ORC3: variants seen among roughly 807,000 people sequenced by gnomAD.
ORC3 encodes the protein homolog of latheo, Drosophila.
ORC3 carries 78 observed loss-of-function variants against 100.7 expected under a neutral mutation model. That is an observed-to-expected ratio of 0.77 (90% CI 0.65 to 0.94). The LOEUF is 0.94. Among genes scored for constraint, ORC3 ranks in the 40% least tolerant of loss-of-function variants. ORC3 has a pLI of 0.00. For synonymous variants in ORC3, 295 were observed against 289.3 expected (o/e 1.02, Z -0.20); for missense variants, 789 against 823.9 (o/e 0.96, Z 0.52).
At chr6:87,654,111 G>T (rs2128290585) in intron 14 of ORC3, among the ~76,000 whole-genome samples, 1 of 152,176 alleles carries the variant, frequency 6.6e-6, no homozygotes, top group Middle Eastern at 3.4e-3. Flanking sequence ...ACATAGAATT[G>T]GACATGACAT....
intron 2 of ORC3, among the ~76,000 whole-genome samples, chr6:87,595,798 T>C (rs2128243777): frequency 6.6e-6 from 1 of 152,262 alleles, no homozygotes; most frequent in South Asian, 2.1e-4. Context: ...CATATACCCA[T>C]GTGTGTAAGA....
the ORC3 span, among the ~76,000 whole-genome samples, chr6:87,674,303 A>C: frequency 8.2e-5 from 2 of 24,424 alleles, no homozygotes; most frequent in Non-Finnish European, 6.9e-5. Context: ...ACTCTATCTC[A>C]AAAAAAAAAA....
chr6:87,670,380 G>C (rs555697079), downstream of ORC3, among the ~76,000 whole-genome samples: 1 of 152,164 alleles, frequency 6.6e-6, no homozygotes, highest in East Asian at 1.9e-4. Flanking sequence ...TGGCCAGGCT[G>C]GTCTTGAACT....
chr6:87,653,383 C>CTCATAGTA, intron 14 of ORC3, 134 bp downstream of exon 14: 1 of 679,796 alleles, frequency 1.5e-6, no homozygotes, highest in Non-Finnish European at 2.3e-6. Context: ...TATGCCAAGC[C>CTCATAGTA]TCATAGTATC....
chr6:87,663,133 T>A lies in ORC3; in HGVS notation c.1822T>A (p.Tyr608Asn). The A allele has an allele frequency of 6.2e-7, 1 of 1,610,710 alleles. No homozygotes were observed. Among genetic ancestry groups the A allele is most frequent in the South Asian group, 1.1e-5 (1 of 90,784 alleles). The change falls in exon 17 of 20, where the codon TAT (tyrosine) becomes AAT (asparagine). Residue 608 changes from tyrosine to asparagine, a missense_variant. Transcript: ENST00000392844. ...ALHTALNNPY[Y>N]YLKNEALKSE... is the part of the protein sequence containing the mutation. ...CCATACTGCACTCAACAATCCTTACTATTATCTCAAGGTAAGATGAACATT... is the reference window on the plus strand; with the variant it reads ...CCATACTGCACTCAACAATCCTTACAATTATCTCAAGGTAAGATGAACATT...
chr6:87,656,289 CA>C (rs1769681960), intron 14 of ORC3, among the ~76,000 whole-genome samples: 1 of 152,212 alleles, frequency 6.6e-6, no homozygotes, highest in South Asian at 2.1e-4. Context: ...TGTATAACAT[CA>C]AAAATATTTG....
chr6:87,627,332 A>G (rs1444093337), intron 11 of ORC3, among the ~76,000 whole-genome samples: 3 of 107,508 alleles, frequency 2.8e-5, no homozygotes, highest in Non-Finnish European at 5.5e-5. Context: ...GTCTCGCTCT[A>G]TCGCCCAGGC....
the ORC3 span, among the ~76,000 whole-genome samples, chr6:87,677,098 T>C: frequency 6.8e-6 from 1 of 147,548 alleles, no homozygotes; most frequent in Non-Finnish European, 1.5e-5. Context: ...AAAAAAAAAA[T>C]TAAAAACAAA....
rs200775149 is a variant in ORC3, at chr6:87,603,928, C to G, written c.322+400C>G. On this transcript the variant is annotated intron_variant, in intron 4 of 19. Coordinates refer to ENST00000392844, the MANE Select transcript of ORC3 (RefSeq NM_012381.4). ...ATCTTCAATGGAATTACTCTATGAC[C>G]TTAATTTTATTTTCCTGTGCATAGT... Among the ~76,000 whole-genome samples the G allele has an allele frequency of 4.6e-5, 7 of 152,190 alleles. No individual in the cohort carries two copies. The East Asian group carries it at 1.2e-3, about 25-fold the overall frequency.
At chr6:87,656,789 T>C in intron 14 of ORC3, 117 bp from the exon 15 acceptor site, 1 of 634,578 alleles carries the variant, frequency 1.6e-6, no homozygotes, top group South Asian at 2.0e-5. Flanking sequence ...TCTTGATCCC[T>C]TGCCACATTA....
chr6:87,612,488 T>C (rs1346189371), intron 8 of ORC3, among the ~76,000 whole-genome samples: 1 of 152,170 alleles, frequency 6.6e-6, no homozygotes, highest in East Asian at 1.9e-4. Context: ...TGATCATATC[T>C]CTCTATGTAC....
intron 2 of ORC3, among the ~76,000 whole-genome samples, chr6:87,601,540 C>T (rs1252865150): frequency 1.3e-5 from 2 of 151,936 alleles, no homozygotes; most frequent in East Asian, 1.9e-4. Flanking sequence ...CGTGGTGGCA[C>T]GTGCCTGTAG....
At position 87,634,922 on chromosome 6, in the gene ORC3, G is replaced by A. The variant is rs761548625; in HGVS notation, c.1263G>A (p.Lys421=). 10 of 1,602,126 alleles carry A rather than the reference G, an allele frequency of 6.2e-6. No homozygotes were observed. The East Asian group carries it at 1.6e-4, about 25-fold the overall frequency. ...NYFLVLRCLH[K]FTSSLPKYPL... The stretch of plus-strand genomic sequence containing the variant: ...TCCTGGTTTTGAGATGTCTTCATAA[G>A]TTCACCTCTTCTCTTCCCAAGTATC... Residue 421 remains lysine, a synonymous_variant, in exon 12 of 20, where the codon AAG becomes AAA. Coordinates refer to ENST00000392844, the MANE Select transcript of ORC3 (RefSeq NM_012381.4).
At chr6:87,617,219 G>T (rs1238054836) in intron 9 of ORC3, among the ~76,000 whole-genome samples, 2 of 152,154 alleles carry the variant, frequency 1.3e-5, no homozygotes. Flanking sequence ...GTGTGTGTGT[G>T]TGTGTGTCTC....
chr6:87,641,506 C>G (rs1768252257), intron 13 of ORC3, among the ~76,000 whole-genome samples: 1 of 152,190 alleles, frequency 6.6e-6, no homozygotes, highest in Admixed American at 6.5e-5. Flanking sequence ...CCTCCTCCCC[C>G]ATCCTGACAC....
chr6:87,594,788 C>G (rs1196061734), intron 2 of ORC3, among the ~76,000 whole-genome samples: 2 of 152,104 alleles, frequency 1.3e-5, no homozygotes, highest in Non-Finnish European at 1.5e-5. Context: ...TAAAGGCTGA[C>G]TGGCAACCCA....
chr6:87,667,719 G>A (rs960334854), downstream of ORC3, among the ~76,000 whole-genome samples: 1 of 152,080 alleles, frequency 6.6e-6, no homozygotes, highest in African/African-American at 2.4e-5. Flanking sequence ...ACAAGGGCAG[G>A]AGATCGAGAC....
At chr6:87,668,977 T>G (rs1770773912), downstream of ORC3, among the ~76,000 whole-genome samples, 1 of 152,008 alleles carries the variant, frequency 6.6e-6, no homozygotes, top group East Asian at 1.9e-4. Flanking sequence ...AGCGAGACTC[T>G]GTATCAAAAA....
At chr6:87,645,742 T>C (rs761625949) in intron 13 of ORC3, among the ~76,000 whole-genome samples, 27 of 151,708 alleles carry the variant, frequency 1.8e-4, no homozygotes, top group Non-Finnish European at 1.0e-4. Flanking sequence ...CCAGAAATTA[T>C]TGGCTTTCTG....
Sources: gnomAD v4.1 joint callset for allele counts (sites outside exome capture counted in the v4.1 genomes callset) on GRCh38, gnomAD v4.1.1 for gene constraint, MANE v1.5 for transcripts, NCBI Gene and HGNC (gene_info 2026-07-23, HGNC 2026-07-21) for gene names.